Variants in LCA5L observed in about 807,000 individuals in gnomAD.
The protein encoded by LCA5L is lebercilin-like protein.
LCA5L carries 35 observed loss-of-function variants against 45.4 expected under a neutral mutation model. The ratio of observed to expected loss-of-function variants is 0.77; its 90% CI spans 0.59 to 1.02. The LOEUF is 1.02. LCA5L is among the 50% of genes least tolerant of loss of function. The pLI is 0.00. For missense variants in LCA5L, 668 were observed against 761.6 expected (o/e 0.88, Z 1.45); for synonymous variants, 233 against 264.7 (o/e 0.88, Z 1.16).
In LCA5L at chr21:39,428,172, C is replaced by T. The variant is rs569302173; in HGVS notation, c.322G>A (p.Gly108Ser). The change falls in exon 5 of 11, where the codon GGC becomes AGC. Residue 108 changes from glycine to serine, a missense_variant and splice_region_variant. Transcript: ENST00000288350. ...YNVSKISQSKGQKEISVEKKH... is the reference protein window; with the variant it reads ...YNVSKISQSKSQKEISVEKKH... ...TTGCTTGGGAAATTTTACTCCTTAC[C>T]TTTAGATTGGGAGATTTTAGAAACA... The T allele has an allele frequency of 6.4e-7, 1 of 1,558,444 alleles. No homozygotes were observed. The highest frequency in any genetic ancestry group is 1.9e-5 in the Admixed American group (1 of 53,746).
At chr21:39,407,397 G>A (rs2039261098) in intron 10 of LCA5L, among the ~76,000 whole-genome samples, 1 of 152,128 alleles carries the variant, frequency 6.6e-6, no homozygotes, top group African/African-American at 2.4e-5. Context: ...AGCATTTTTG[G>A]ATGGCAATTT....
intron 3 of LCA5L, among the ~76,000 whole-genome samples, chr21:39,433,607 G>A (rs532315318): frequency 3.3e-5 from 5 of 152,102 alleles, no homozygotes; most frequent in Middle Eastern, 6.8e-3. Flanking sequence ...CTTCAGCACC[G>A]TTTGTTGCAA....
Position 39,423,163 on chromosome 21 carries a change from G to T in LCA5L, c.650C>A (p.Ser217Tyr), listed in dbSNP as rs769072025. 2.5e-6 allele frequency: 4 copies of T among 1,613,414 alleles called. No homozygotes were observed. The highest frequency in any genetic ancestry group is 3.4e-6 in the Non-Finnish European group (4 of 1,179,804). ...VKNLRQLLRK[S>Y]QEKERTLSRK... ...AGATAGAGTTCTTTCCTTTTCCTGG[G>T]ATTTCCTAAGTAGTTGCCTTAAATT... Residue 217 changes from serine (S) to tyrosine (Y), a missense_variant, in exon 6 of 11, where the codon TCC becomes TAC. By Grantham distance (144) the Ser-to-Tyr change is moderately radical. Coordinates refer to ENST00000288350, the MANE Select transcript of LCA5L (RefSeq NM_152505.4).
At chr21:39,420,655 A>G (rs566869420) in intron 7 of LCA5L, 51 bp downstream of exon 7, 9 of 1,500,786 alleles carry the variant, frequency 6.0e-6, no homozygotes, top group Admixed American at 3.4e-5. Flanking sequence ...AATAGCTCAT[A>G]TATTTCGGGA....
intron 2 of LCA5L, among the ~76,000 whole-genome samples, chr21:39,442,871 G>C (rs1427659667): frequency 6.6e-6 from 1 of 152,094 alleles, no homozygotes; most frequent in Non-Finnish European, 1.5e-5. Flanking sequence ...CTGTGCGTGT[G>C]AATCTGTGCC....
At chr21:39,424,720 ATC>A (rs1262030441) in intron 5 of LCA5L, among the ~76,000 whole-genome samples, 3 of 152,214 alleles carry the variant, frequency 2.0e-5, no homozygotes, top group Non-Finnish European at 4.4e-5. Context: ...CCGATTTTCC[ATC>A]TCTCAATAAA....
intron 1 of LCA5L, among the ~76,000 whole-genome samples, chr21:39,445,256 A>T (rs1276299115): frequency 6.6e-6 from 1 of 152,184 alleles, no homozygotes; most frequent in African/African-American, 2.4e-5. Context: ...TTCCTACGAG[A>T]TAGGGAGATG....
At chr21:39,408,859 C>G (rs749309534) in intron 10 of LCA5L, among the ~76,000 whole-genome samples, 9 of 152,228 alleles carry the variant, frequency 5.9e-5, no homozygotes, top group Admixed American at 1.3e-4. Context: ...GGAGCTGAAG[C>G]TGGGGTCCTT....
intron 7 of LCA5L, among the ~76,000 whole-genome samples, chr21:39,415,133 C>A (rs1252868971): frequency 6.6e-6 from 1 of 152,050 alleles, no homozygotes; most frequent in Non-Finnish European, 1.5e-5. Flanking sequence ...ACTTCTTGGG[C>A]TCAAAAGATC....
intron 1 of LCA5L, among the ~76,000 whole-genome samples, chr21:39,445,091 C>T (rs901106857): frequency 8.7e-5 from 3 of 34,422 alleles, no homozygotes; most frequent in Non-Finnish European, 1.3e-4. Flanking sequence ...AGCTCACATT[C>T]AGCCGTGAAA....
chr21:39,423,061 T>C lies in LCA5L; in HGVS notation c.752A>G (p.Asp251Gly). 6.2e-7 allele frequency: 1 copy of C among 1,614,140 alleles called. No individual in the cohort carries two copies. The highest frequency in any genetic ancestry group is 1.6e-4 in the Middle Eastern group (1 of 6,062). Residue 251 changes from aspartate (D) to glycine (G), a missense_variant, in exon 6 of 11, where the codon GAC becomes GGC. Coordinates refer to ENST00000288350, the MANE Select transcript of LCA5L (RefSeq NM_152505.4). The stretch of plus-strand genomic sequence containing the variant: ...TTCTTCCCTTTCTGCAAGGTTTTTG[T>C]CTTCAGAAAGTTTCTGCAGTGCCTG... ...ILQALQKLSEDKNLAEREELT... is the reference protein window; with the variant it reads ...ILQALQKLSEGKNLAEREELT...
chr21:39,437,081 G>A (rs2148189247), intron 2 of LCA5L, among the ~76,000 whole-genome samples: 1 of 152,172 alleles, frequency 6.6e-6, no homozygotes, highest in South Asian at 2.1e-4. Context: ...AATAAATATT[G>A]ATCAAATAAA....
intron 6 of LCA5L, 136 bp downstream of exon 6, chr21:39,422,840 A>AT (rs1161618198): frequency 1.2e-6 from 1 of 810,574 alleles, no homozygotes; most frequent in Non-Finnish European, 2.0e-6. Flanking sequence ...ATTAGACAAC[A>AT]TAATTATTTA....
At chr21:39,412,558 G>T (rs972662970) in intron 7 of LCA5L, among the ~76,000 whole-genome samples, 18 of 152,120 alleles carry the variant, frequency 1.2e-4, no homozygotes, top group African/African-American at 4.1e-4. Flanking sequence ...GAAGTAAGGA[G>T]GAAGGAACCC....
chr21:39,411,487 C>T (rs1324927474), intron 8 of LCA5L, among the ~76,000 whole-genome samples: 1 of 152,154 alleles, frequency 6.6e-6, no homozygotes, highest in Non-Finnish European at 1.5e-5. Flanking sequence ...TTTGCTCCAC[C>T]TGAAGAAAGG....
intron 5 of LCA5L, among the ~76,000 whole-genome samples, chr21:39,424,218 G>A (rs2074253299): frequency 6.6e-6 from 1 of 152,076 alleles, no homozygotes; most frequent in Non-Finnish European, 1.5e-5. Flanking sequence ...TCACCATGTT[G>A]GCCAGGCTGG....
At position 39,406,099 on chromosome 21, in the gene LCA5L, A is replaced by G. The variant is rs143233766; in HGVS notation, c.1796T>C (p.Met599Thr). ...ATAGCCTGATCCAAAGAGTTCTTCC[A>G]TGAGACTGCTTTTCTTATCTCTGAA... ...TTFRDKKSSL[M>T]EELFGSGYVL... Residue 599 changes from methionine (M) to threonine (T), a missense_variant, in exon 11 of 11, where the codon ATG becomes ACG. Transcript: ENST00000288350. 629 of 1,614,230 alleles carry G rather than the reference A, an allele frequency of 3.9e-4. No individual in the cohort carries two copies. Among genetic ancestry groups the G allele is most frequent in the Non-Finnish European group, 5.1e-4 (600 of 1,180,030 alleles).
Position 39,423,377 on chromosome 21 carries a change from C to G in LCA5L, c.436G>C (p.Ala146Pro), listed in dbSNP as rs2074070136. The G allele has an allele frequency of 6.2e-7, 1 of 1,611,928 alleles. No individual in the cohort carries two copies. The highest frequency in any genetic ancestry group is 1.3e-5 in the African/African-American group (1 of 74,878). The change falls in exon 6 of 11, where the codon GCA becomes CCA. Residue 146 changes from alanine (A) to proline (P), a missense_variant. Physicochemically the swap from Ala to Pro is conservative, Grantham distance 27. Transcript: ENST00000288350. ...AGTCCTTTAATTTTATGAAGCCTTG[C>G]TGAGAGTATTCGATGAGCCATAGCA... is the stretch of plus-strand genomic sequence containing the variant. ...RDAMAHRILS[A>P]RLHKIKGLKN...
intron 3 of LCA5L, among the ~76,000 whole-genome samples, chr21:39,434,808 A>G (rs1256590633): frequency 6.6e-6 from 1 of 152,178 alleles, no homozygotes; most frequent in Non-Finnish European, 1.5e-5. Flanking sequence ...ATGACCCACC[A>G]TGTCCGGCCA....
Sources: gnomAD v4.1 joint callset for allele counts (sites outside exome capture counted in the v4.1 genomes callset) on GRCh38, gnomAD v4.1.1 for gene constraint, MANE v1.5 for transcripts, NCBI Gene and HGNC (gene_info 2026-07-23, HGNC 2026-07-21) for gene names.